Variants in RBFOX1 observed in about 807,000 individuals in gnomAD.
RBFOX1 encodes the protein RNA binding fox-1 homolog 1.
A neutral mutation model predicts 57.7 loss-of-function variants in RBFOX1; 8 were observed. The ratio of observed to expected loss-of-function variants is 0.14; its 90% CI spans 0.08 to 0.25. RBFOX1 has a LOEUF of 0.25. Ranked by LOEUF, RBFOX1 falls within the 10% of genes least tolerant of loss-of-function variation. The pLI is 1.00. For missense variants in RBFOX1, 611 were observed against 548.5 expected, an observed-to-expected ratio of 1.11 and a Z score of -1.14; for synonymous variants, 326 against 222.4, an observed-to-expected ratio of 1.47 and a Z score of -4.15.
chr16:7,633,264 A>T (rs1187837431), intron 11 of RBFOX1, among the ~76,000 whole-genome samples: 7 of 145,046 alleles, frequency 4.8e-5, no homozygotes, highest in South Asian at 2.1e-4. Flanking sequence ...TAAAAATACA[A>T]AGTGGCAATA....
chr16:6,370,615 T>C (rs1224135798), intron 2 of RBFOX1, among the ~76,000 whole-genome samples: 3 of 152,120 alleles, frequency 2.0e-5, no homozygotes, highest in Admixed American at 2.0e-4. Flanking sequence ...ATTCTACTTA[T>C]TTCAGGTACC....
intron 4 of RBFOX1, chr16:7,423,077 G>C (rs1418308678): frequency 7.3e-6 from 1 of 136,474 alleles, no homozygotes; most frequent in East Asian, 2.1e-4. Context: ...AACTAGGAGA[G>C]AGAGAATGAG....
At chr16:5,424,033 C>G (rs549772324) in intron 1 of RBFOX1, among the ~76,000 whole-genome samples, 1 of 152,344 alleles carries the variant, frequency 6.6e-6, no homozygotes, top group Admixed American at 6.5e-5. Flanking sequence ...CCAACCCTCA[C>G]TGTCCTAGGG....
At chr16:6,934,962 C>A (rs988366826) in intron 3 of RBFOX1, among the ~76,000 whole-genome samples, 3 of 152,096 alleles carry the variant, frequency 2.0e-5, no homozygotes, top group Admixed American at 2.0e-4. Flanking sequence ...GTGGCATTTG[C>A]CTGTGGTTCC....
chr16:6,649,245 C>G (rs1464006975), intron 2 of RBFOX1, among the ~76,000 whole-genome samples: 2 of 152,204 alleles, frequency 1.3e-5, no homozygotes, highest in Admixed American at 6.5e-5. Flanking sequence ...TCTCCAGGTT[C>G]ATCCATGTCA....
At chr16:7,414,700 C>T (rs899381236) in intron 4 of RBFOX1, among the ~76,000 whole-genome samples, 1 of 152,182 alleles carries the variant, frequency 6.6e-6, no homozygotes, top group Non-Finnish European at 1.5e-5. Context: ...TCACTGCAAC[C>T]TCCGCCTCCC....
chr16:5,848,468 G>A (rs887154621), intron 3 of RBFOX1, among the ~76,000 whole-genome samples: 1 of 152,108 alleles, frequency 6.6e-6, no homozygotes, highest in African/African-American at 2.4e-5. Flanking sequence ...TCCAGGTCAG[G>A]AACTGCTAAA....
intron 1 of RBFOX1, among the ~76,000 whole-genome samples, chr16:6,173,907 T>A (rs1567613110): frequency 6.6e-6 from 1 of 151,886 alleles, no homozygotes; most frequent in South Asian, 2.1e-4. Flanking sequence ...TTGTTTTTTT[T>A]ACTAATTATG....
chr16:7,032,410 C>G (rs950294347), intron 3 of RBFOX1, among the ~76,000 whole-genome samples: 1 of 151,832 alleles, frequency 6.6e-6, no homozygotes, highest in Admixed American at 6.6e-5. Flanking sequence ...CCAGTGCACT[C>G]CAATCTGGGC....
intron 1 of RBFOX1, among the ~76,000 whole-genome samples, chr16:5,319,842 A>G (rs1185953971): frequency 1.3e-5 from 2 of 152,184 alleles, no homozygotes; most frequent in Non-Finnish European, 2.9e-5. Context: ...CTGTGACTAC[A>G]TCATGCTCTG....
At chr16:5,892,605 CAG>C (rs2151936922) in intron 4 of RBFOX1, among the ~76,000 whole-genome samples, 1 of 152,236 alleles carries the variant, frequency 6.6e-6, no homozygotes, top group Non-Finnish European at 1.5e-5. Context: ...TTTTGTGAAA[CAG>C]TGAATGGTGG....
At chr16:6,661,365 T>C (rs2098700459) in intron 3 of RBFOX1, among the ~76,000 whole-genome samples, 1 of 151,962 alleles carries the variant, frequency 6.6e-6, no homozygotes, top group Non-Finnish European at 1.5e-5. Flanking sequence ...GTAGAGAACA[T>C]GGTATGTTTA....
intron 3 of RBFOX1, among the ~76,000 whole-genome samples, chr16:6,929,708 T>A (rs2076196528): frequency 9.5e-6 from 1 of 105,034 alleles, no homozygotes; most frequent in South Asian, 2.6e-4. Flanking sequence ...TACGGGGTTA[T>A]TTTTTTTAAC....
rs201859318 is a variant in RBFOX1 at position 5,539,600 on chromosome 16, CA to C, written c.259-59294del. Among the ~76,000 whole-genome samples the C allele has an allele frequency of 3.3e-5, 5 of 151,540 alleles. No individual in the cohort carries two copies. The South Asian group carries it at 1.0e-3, about 32-fold the overall frequency. On this transcript the variant is annotated intron_variant, in intron 2 of 2. Transcript: ENST00000585867. ...TGGGCAATAGAGCGAGACTCTCTCT[CA>C]AAAAAAATCCCAAAAAACAAAACAA...
At chr16:6,821,277 G>C (rs1603628862) in intron 3 of RBFOX1, among the ~76,000 whole-genome samples, 1 of 152,052 alleles carries the variant, frequency 6.6e-6, no homozygotes, top group Non-Finnish European at 1.5e-5. Flanking sequence ...CTATCACCTG[G>C]GTCTGTGGTG....
At chr16:5,393,989 T>C (rs141247871) in intron 1 of RBFOX1, among the ~76,000 whole-genome samples, 32 of 152,346 alleles carry the variant, frequency 2.1e-4, no homozygotes, top group African/African-American at 7.2e-4. Flanking sequence ...TTTTCGTGTC[T>C]GGCTGATTTC....
At chr16:6,845,741 C>G (rs150176766) in intron 3 of RBFOX1, among the ~76,000 whole-genome samples, 24 of 152,304 alleles carry the variant, frequency 1.6e-4, no homozygotes, top group African/African-American at 5.5e-4. Context: ...TCCTTCCTGA[C>G]CCCCATACAC....
At chr16:7,584,599 G>C (rs1225939525) in intron 6 of RBFOX1, among the ~76,000 whole-genome samples, 2 of 152,160 alleles carry the variant, frequency 1.3e-5, no homozygotes, top group Non-Finnish European at 1.5e-5. Flanking sequence ...CCTGGATCCT[G>C]CTCTTGATAC....
rs140189982 is a variant in RBFOX1 at position 6,923,305 on chromosome 16, G to C, written c.-15-128752G>C. Among the ~76,000 whole-genome samples the C allele has an allele frequency of 2.3e-3, 349 of 152,250 alleles. 1 individual carries two copies. The highest frequency in any genetic ancestry group is 6.8e-3 in the Middle Eastern group (2 of 294). On this transcript the variant is annotated intron_variant, in intron 3 of 15. Transcript: ENST00000550418. ...TCCCAGAACTTTGGGATGCCAAGGC[G>C]GGAGGATCATGTGAGGTCAGGAGTT... is the stretch of plus-strand genomic sequence containing the variant.
Sources: allele counts gnomAD v4.1 joint callset (sites outside exome capture counted in the v4.1 genomes callset), GRCh38; gene constraint gnomAD v4.1.1; transcripts MANE v1.5; gene names NCBI Gene and HGNC (gene_info 2026-07-23, HGNC 2026-07-21).